Variants in ATRNL1 observed in about 807,000 individuals in gnomAD.
The protein encoded by ATRNL1 is attractin like 1, also known as attractin-like protein 1.
In ATRNL1, 95 loss-of-function variants were observed where a neutral mutation model predicts 182.7. The ratio of observed to expected loss-of-function variants is 0.52; its 90% CI spans 0.44 to 0.62. The LOEUF (loss-of-function observed/expected upper bound fraction) is 0.62. Among genes scored for constraint, ATRNL1 ranks in the 20% least tolerant of loss-of-function variants. The pLI is 0.00. For missense variants in ATRNL1, 1,471 were observed against 1,679.5 expected (o/e 0.88, Z 2.17); for synonymous variants, 576 against 568.3 (o/e 1.01, Z -0.19).
At chr10:115,914,699 G>C (rs1347298173) in intron 28 of ATRNL1, among the ~76,000 whole-genome samples, 2 of 152,202 alleles carry the variant, frequency 1.3e-5, no homozygotes, top group African/African-American at 4.8e-5. Context: ...ACGGTTGACT[G>C]GTGGAGACCT....
chr10:115,127,802 A>C, intron 4 of ATRNL1, 81 bp downstream of exon 4: 1 of 1,011,078 alleles, frequency 9.9e-7, no homozygotes, highest in Non-Finnish European at 1.3e-6. Flanking sequence ...TATTTTTATT[A>C]ATGTCTTGTA....
chr10:115,877,326 C>T (rs1233860026), intron 28 of ATRNL1, among the ~76,000 whole-genome samples: 3 of 152,276 alleles, frequency 2.0e-5, no homozygotes, highest in Admixed American at 2.0e-4. Context: ...AACAAAGCTA[C>T]CCATATAGCC....
chr10:115,383,116 CTT>C (rs71473088), intron 19 of ATRNL1, among the ~76,000 whole-genome samples: 1 of 144,384 alleles, frequency 6.9e-6, no homozygotes. Flanking sequence ...GTTTGTTTTT[CTT>C]TTTTTTTTTC....
At chr10:115,438,097 T>A (rs955989421) in intron 21 of ATRNL1, among the ~76,000 whole-genome samples, 6 of 152,042 alleles carry the variant, frequency 3.9e-5, no homozygotes, top group Non-Finnish European at 5.9e-5. Context: ...GCAGTTTGTT[T>A]CTCAAAAAAT....
At chr10:115,550,067 C>T (rs11197293) in intron 26 of ATRNL1, among the ~76,000 whole-genome samples, 48,767 of 151,418 alleles carry the variant, frequency 0.32, 9,705 homozygotes, top group Non-Finnish European at 0.45. Context: ...TTATTTTTCT[C>T]GTAATCCTAA....
Position 115,419,409 on chromosome 10 carries a change from G to A in ATRNL1, c.3270-6841G>A, listed in dbSNP as rs138278770. On this transcript the variant is annotated intron_variant, in intron 20 of 28. Transcript: ENST00000355044. ...CAACTAAAAAAGAAGTTACACAATC[G>A]TGATAGTCATCCCTTACCTATCAAT... Among the ~76,000 whole-genome samples, 474 of 152,234 alleles carry A rather than the reference G, an allele frequency of 3.1e-3. 4 individuals are homozygous for A. The highest frequency in any genetic ancestry group is 0.011 in the African/African-American group (437 of 41,536).
At chr10:115,606,747 A>G (rs901886278) in intron 26 of ATRNL1, among the ~76,000 whole-genome samples, 9 of 152,034 alleles carry the variant, frequency 5.9e-5, no homozygotes, top group African/African-American at 2.2e-4. Flanking sequence ...GTAAAAGACT[A>G]AACAAATGCA....
chr10:115,327,704 A>T (rs1171626816), intron 18 of ATRNL1, among the ~76,000 whole-genome samples: 2 of 151,356 alleles, frequency 1.3e-5, no homozygotes, highest in Non-Finnish European at 2.9e-5. Context: ...CAACAATGAT[A>T]GACTGGATTA....
rs553469133 is a variant in ATRNL1, at chr10:115,224,185, T to A, written c.1532+8305T>A. Among the ~76,000 whole-genome samples, 14 of 151,748 alleles carry A rather than the reference T, an allele frequency of 9.2e-5. 1 individual carries two copies. The South Asian group carries it at 1.7e-3, about 18-fold the overall frequency. ...CTCTTGACCTCGTGATCTGCCCACC[T>A]TGGCCTCCCAAAGTGCTGGGATTAC... On this transcript the variant is annotated intron_variant, in intron 9 of 28. Transcript: ENST00000355044.
intron 24 of ATRNL1, among the ~76,000 whole-genome samples, chr10:115,473,767 C>T (rs1466665999): frequency 4.0e-5 from 6 of 151,120 alleles, no homozygotes; most frequent in African/African-American, 7.3e-5. Flanking sequence ...TTGATGTGAC[C>T]AAGTTTTCTA....
At chr10:115,631,830 T>A (rs1277561768) in intron 26 of ATRNL1, among the ~76,000 whole-genome samples, 1 of 152,122 alleles carries the variant, frequency 6.6e-6, no homozygotes, top group Non-Finnish European at 1.5e-5. Context: ...GAGACCATTT[T>A]CAATGGTTTT....
At chr10:115,680,939 A>G (rs1227951622) in intron 26 of ATRNL1, among the ~76,000 whole-genome samples, 1 of 152,152 alleles carries the variant, frequency 6.6e-6, no homozygotes, top group African/African-American at 2.4e-5. Flanking sequence ...CACTTGTCTG[A>G]CCTGGTATTG....
intron 26 of ATRNL1, among the ~76,000 whole-genome samples, chr10:115,634,421 G>A (rs1288501346): frequency 1.3e-5 from 2 of 151,958 alleles, no homozygotes; most frequent in Admixed American, 1.3e-4. Context: ...TTAAATTCTG[G>A]TAAAAGGTAA....
intron 10 of ATRNL1, among the ~76,000 whole-genome samples, chr10:115,259,572 C>CG (rs1277210779): frequency 6.6e-6 from 1 of 152,184 alleles, no homozygotes; most frequent in Non-Finnish European, 1.5e-5. Context: ...TTGTGCTTCC[C>CG]GGGTGAGGTG....
intron 26 of ATRNL1, among the ~76,000 whole-genome samples, chr10:115,652,150 C>A (rs367917387): frequency 7.9e-5 from 12 of 151,888 alleles, no homozygotes; most frequent in African/African-American, 2.7e-4. Flanking sequence ...TATAATTTTA[C>A]ATATTTTCAT....
rs781959120 is a variant in ATRNL1, at chr10:115,127,618, G to T, written c.517G>T (p.Gly173Cys). The T allele has an allele frequency of 2.5e-6, 4 of 1,608,996 alleles. No homozygotes were observed. The highest frequency in any genetic ancestry group is 3.4e-6 in the Non-Finnish European group (4 of 1,177,666). Reference protein sequence around the residue: ...LSGLIVPEIRGNETVPEVVTT... With the variant: ...LSGLIVPEIRCNETVPEVVTT... ...TGGTTTGATAGTCCCTGAAATAAGG[G>T]GCAATGAAACTGTGCCTGAAGTTGT... is the stretch of plus-strand genomic sequence containing the variant. Residue 173 changes from glycine to cysteine, a missense_variant, in exon 4 of 29, where the codon GGC (glycine) becomes TGC (cysteine). Transcript: ENST00000355044.
chr10:115,434,241 G>A (rs1053782853), intron 21 of ATRNL1, among the ~76,000 whole-genome samples: 1 of 151,998 alleles, frequency 6.6e-6, no homozygotes, highest in Non-Finnish European at 1.5e-5. Flanking sequence ...ATAAAACATA[G>A]TTTTTCCCAA....
At chr10:115,297,905 T>C (rs1441964897) in intron 15 of ATRNL1, among the ~76,000 whole-genome samples, 1 of 152,170 alleles carries the variant, frequency 6.6e-6, no homozygotes. Context: ...TCACTTTTTC[T>C]TCCCTATTAT....
intron 26 of ATRNL1, among the ~76,000 whole-genome samples, chr10:115,608,448 A>G (rs1592940447): frequency 6.6e-6 from 1 of 152,188 alleles, no homozygotes; most frequent in East Asian, 1.9e-4. Context: ...TGTAGGTTAA[A>G]TAACAAGAAT....
Sources: gnomAD v4.1 joint callset for allele counts (sites outside exome capture counted in the v4.1 genomes callset) on GRCh38, gnomAD v4.1.1 for gene constraint, MANE v1.5 for transcripts, NCBI Gene and HGNC (gene_info 2026-07-23, HGNC 2026-07-21) for gene names.